The following SERPINB2 variants were observed in gnomAD, a reference collection of about 807,000 sequenced individuals.
SERPINB2 encodes the protein serpin family B member 2.
SERPINB2 carries 28 observed loss-of-function variants against 39.4 expected under a neutral mutation model. That is an observed-to-expected ratio of 0.71 (90% CI 0.53 to 0.97). The LOEUF is 0.97. SERPINB2 is among the 50% of genes least tolerant of loss of function. The pLI is 0.00. For synonymous variants in SERPINB2, 209 were observed against 175.1 expected (o/e 1.19, Z -1.53); for missense variants, 557 against 505.3 (o/e 1.10, Z -0.98).
At chr18:63,889,383 T>G (rs932112227) in intron 1 of SERPINB2, among the ~76,000 whole-genome samples, 1 of 152,210 alleles carries the variant, frequency 6.6e-6, no homozygotes, top group South Asian at 2.1e-4. Context: ...AATTCTAACT[T>G]AGTATTAACA....
chr18:63,890,128 T>C (rs1238740336), intron 1 of SERPINB2: 2 of 152,236 alleles, frequency 1.3e-5, no homozygotes, highest in Admixed American at 6.5e-5. Context: ...TTTTATTTAA[T>C]TTACTATTTT....
chr18:63,897,311 A>G (rs911769842), intron 4 of SERPINB2, 92 bp downstream of exon 4: 2 of 1,474,852 alleles, frequency 1.4e-6, no homozygotes, highest in African/African-American at 1.4e-5. Context: ...AGTTCATAAA[A>G]GCAGAGTTGG....
chr18:63,893,852 C>T (rs890464750), intron 2 of SERPINB2, among the ~76,000 whole-genome samples: 2 of 152,042 alleles, frequency 1.3e-5, no homozygotes, highest in Non-Finnish European at 2.9e-5. Context: ...GAGGTAGGTA[C>T]GATGATTACC....
chr18:63,895,938 A>T (rs913512720), intron 3 of SERPINB2, among the ~76,000 whole-genome samples: 1 of 151,792 alleles, frequency 6.6e-6, no homozygotes, highest in African/African-American at 2.4e-5. Context: ...CTTCTCTGTC[A>T]TCTGTCTATC....
rs968056762 is a variant in SERPINB2, at chr18:63,900,462, G to T, written c.536-1278G>T. Among the ~76,000 whole-genome samples, 3 of 152,144 alleles carry T rather than the reference G, an allele frequency of 2.0e-5. No individual in the cohort carries two copies. The East Asian group carries it at 5.8e-4, about 29-fold the overall frequency. ...GGTAGAAGAAAACAGCTTTATTGAAGTGGCAGTATTACAGCTCCATGATTC... is the reference window on the plus strand; with the variant it reads ...GGTAGAAGAAAACAGCTTTATTGAATTGGCAGTATTACAGCTCCATGATTC... On this transcript the variant is annotated intron_variant, in intron 5 of 7. Coordinates refer to ENST00000299502, the MANE Select transcript of SERPINB2 (RefSeq NM_002575.3).
chr18:63,888,148 C>A (rs1317697236), intron 1 of SERPINB2, among the ~76,000 whole-genome samples: 1 of 152,042 alleles, frequency 6.6e-6, no homozygotes, highest in Non-Finnish European at 1.5e-5. Context: ...TTCATTTAAG[C>A]AATTGAATGT....
Position 63,903,412 on chromosome 18 carries a change from C to A in SERPINB2, c.*107C>A. The A allele has an allele frequency of 9.0e-7, 1 of 1,106,562 alleles. No homozygotes were observed. Among genetic ancestry groups the A allele is most frequent in the Non-Finnish European group, 1.2e-6 (1 of 814,924 alleles). The allele number at this position is 1,106,562 out of a possible 1,614,324, so 68.5% of individuals were successfully genotyped here. A position where few individuals can be genotyped will look rare whatever the true frequency, so the allele number is the denominator to read the frequency against. On this transcript the variant is annotated 3_prime_UTR_variant, in exon 8 of 8. Transcript: ENST00000299502. ...TAGAGATGTTTTCTACATATTTCTGCTCTTCTGAACAACTTCTGCTACCCA... is the reference window on the plus strand; with the variant it reads ...TAGAGATGTTTTCTACATATTTCTGATCTTCTGAACAACTTCTGCTACCCA...
intron 3 of SERPINB2, among the ~76,000 whole-genome samples, chr18:63,896,266 C>T (rs570604087): frequency 6.6e-6 from 1 of 152,348 alleles, no homozygotes; most frequent in Admixed American, 6.5e-5. Context: ...GCTCTGTCCC[C>T]TGCCCTAGGA....
intron 5 of SERPINB2, 52 bp downstream of exon 5, chr18:63,897,896 T>C: frequency 8.1e-7 from 1 of 1,236,342 alleles, no homozygotes; most frequent in Non-Finnish European, 1.2e-6. Flanking sequence ...AAAACTCTGA[T>C]CTATCTTTTT....
chr18:63,892,431 A>G (rs2049932724), intron 2 of SERPINB2, among the ~76,000 whole-genome samples: 1 of 152,230 alleles, frequency 6.6e-6, no homozygotes. Context: ...GTCACTCAGC[A>G]CATACAAAAT....
intron 2 of SERPINB2, 141 bp downstream of exon 2, chr18:63,891,753 A>G (rs1345771489): frequency 7.1e-6 from 6 of 840,254 alleles, no homozygotes; most frequent in Non-Finnish European, 1.1e-5. Context: ...TCCTTACAAC[A>G]CAAATTCCTT....
chr18:63,891,651 T>C, intron 2 of SERPINB2, 39 bp downstream of exon 2: 1 of 1,585,118 alleles, frequency 6.3e-7, no homozygotes, highest in African/African-American at 1.4e-5. Context: ...GGCCGAGTAG[T>C]TCCTGAATGG....
At chr18:63,892,883 G>A (rs190189953) in intron 2 of SERPINB2, 1 of 152,166 alleles carries the variant, frequency 6.6e-6, no homozygotes, top group Non-Finnish European at 1.5e-5. Context: ...AATAAAGATA[G>A]TAAATTGGCA....
At position 63,901,857 on chromosome 18, in the gene SERPINB2, G is replaced by A; in HGVS notation, c.653G>A (p.Gly218Glu). 1 of 1,601,098 alleles carries A rather than the reference G, an allele frequency of 6.2e-7. No homozygotes were observed. Among genetic ancestry groups the A allele is most frequent in the Non-Finnish European group, 8.5e-7 (1 of 1,176,288 alleles). Residue 218 changes from glycine (G) to glutamate (E), a missense_variant, in exon 6 of 8, where the codon GGG becomes GAG. Physicochemically the swap from Gly to Glu is moderately conservative, Grantham distance 98. Transcript: ENST00000299502. ...ACTCCATTTGAGAAGAAACTAAATGGGCTTTATCCTTTCCGTGTAAACTCG... is the reference window on the plus strand; with the variant it reads ...ACTCCATTTGAGAAGAAACTAAATGAGCTTTATCCTTTCCGTGTAAACTCG... ...WKTPFEKKLN[G>E]LYPFRVNSAQ...
At chr18:63,899,283 G>A (rs1185825204) in intron 5 of SERPINB2, among the ~76,000 whole-genome samples, 1 of 152,040 alleles carries the variant, frequency 6.6e-6, no homozygotes, top group Non-Finnish European at 1.5e-5. Flanking sequence ...AACAATTATG[G>A]AACTGATTTT....
At chr18:63,891,255 C>T (rs181065401) in intron 1 of SERPINB2, among the ~76,000 whole-genome samples, 181 bp from the exon 2 acceptor site, 9 of 152,226 alleles carry the variant, frequency 5.9e-5, no homozygotes, top group South Asian at 2.1e-4. Context: ...GGGCTTTTTA[C>T]GGCTGCACAG....
At chr18:63,894,161 A>G (rs1230038431) in intron 2 of SERPINB2, among the ~76,000 whole-genome samples, 1 of 152,122 alleles carries the variant, frequency 6.6e-6, no homozygotes, top group African/African-American at 2.4e-5. Context: ...ACACTGATTC[A>G]GGAAGGCTTT....
chr18:63,895,485 C>T (rs1344333419), intron 3 of SERPINB2, 102 bp downstream of exon 3: 1 of 1,398,998 alleles, frequency 7.1e-7, no homozygotes, highest in Non-Finnish European at 1.0e-6. Context: ...ATATACCCTC[C>T]CCCATTCACA....
intron 2 of SERPINB2, chr18:63,892,825 C>T (rs1284734235): frequency 6.6e-6 from 1 of 152,212 alleles, no homozygotes; most frequent in Non-Finnish European, 1.5e-5. Flanking sequence ...CACAAGTAGT[C>T]TTTTGCAATA....
Sources: allele counts gnomAD v4.1 joint callset (sites outside exome capture counted in the v4.1 genomes callset), GRCh38; gene constraint gnomAD v4.1.1; transcripts MANE v1.5; gene names NCBI Gene and HGNC (gene_info 2026-07-23, HGNC 2026-07-21).